The following SPECC1 variants were observed in gnomAD, a reference collection of about 807,000 sequenced individuals.
The protein encoded by SPECC1 is sperm antigen with calponin homology and coiled-coil domains 1, also known as cytospin-B.
A neutral mutation model predicts 104.1 loss-of-function variants in SPECC1; 62 were observed. The ratio of observed to expected loss-of-function variants is 0.60; its 90% CI spans 0.49 to 0.74. The LOEUF is 0.74. Among genes scored for constraint, SPECC1 ranks in the 30% least tolerant of loss-of-function variants. The pLI is 0.00. For synonymous variants in SPECC1, 513 were observed against 501.6 expected, an observed-to-expected ratio of 1.02 and a Z score of -0.30; for missense variants, 1,306 against 1,310.5, an observed-to-expected ratio of 1.00 and a Z score of 0.05.
rs754651124 is a variant in SPECC1, at chr17:20,245,981, G to A, written c.2407G>A (p.Gly803Ser). 4 of 1,614,118 alleles carry A rather than the reference G, an allele frequency of 2.5e-6. No individual in the cohort carries two copies. The South Asian group carries it at 4.4e-5, about 18-fold the overall frequency. ...SEVDAAGRWP[G>S]VCVSRTSPTP... ...GGTCGATGCTGCTGGTCGGTGGCCT[G>A]GTGTCTGTGTTAGCAGAACATCTCC... The change falls in exon 8 of 15, where the codon GGT becomes AGT. Residue 803 changes from glycine (G) to serine (S), a missense_variant. Gly to Ser is a moderately conservative substitution (Grantham distance 56, BLOSUM62 0). Transcript: ENST00000395527.
At chr17:20,128,971 C>T in intron 3 of SPECC1, among the ~76,000 whole-genome samples, 1 of 152,070 alleles carries the variant, frequency 6.6e-6, no homozygotes, top group Non-Finnish European at 1.5e-5. Flanking sequence ...TGGCTCAGTG[C>T]AGCCTCAAAC....
intron 3 of SPECC1, among the ~76,000 whole-genome samples, chr17:20,119,211 T>C (rs2048905711): frequency 6.6e-6 from 1 of 152,190 alleles, no homozygotes; most frequent in African/African-American, 2.4e-5. Context: ...AATTTGAAAA[T>C]TACATTTTGT....
chr17:20,318,504 T>G lies in SPECC1; in HGVS notation c.*4439T>G, dbSNP rs1024402489. On this transcript the variant is annotated 3_prime_UTR_variant, in exon 15 of 15. Coordinates refer to ENST00000395527, the MANE Select transcript of SPECC1 (RefSeq NM_001243439.2). ...GCGGTGAGGAATCTCTGCCATGTTC[T>G]CTTCCCTGCTGCCCACAAACGTTAC... 1 of 231,608 alleles carries G rather than the reference T, an allele frequency of 4.3e-6. No individual in the cohort carries two copies. Among genetic ancestry groups the G allele is most frequent in the African/African-American group, 2.2e-5 (1 of 45,228 alleles). The allele number at this position is 231,608 out of a possible 1,614,324, so 14.3% of individuals were successfully genotyped here.
intron 12 of SPECC1, among the ~76,000 whole-genome samples, chr17:20,264,812 C>T (rs1307581928): frequency 6.6e-6 from 1 of 152,002 alleles, no homozygotes; most frequent in East Asian, 1.9e-4. Context: ...GGCCACTGCA[C>T]CTGGCCCTTT....
At chr17:20,076,683 T>C (rs1007256667) in intron 1 of SPECC1, among the ~76,000 whole-genome samples, 2 of 152,184 alleles carry the variant, frequency 1.3e-5, no homozygotes, top group Non-Finnish European at 2.9e-5. Flanking sequence ...GTTGTATCTG[T>C]AGGGTAGATT....
At chr17:20,039,816 C>T (rs1304477940) in intron 1 of SPECC1, among the ~76,000 whole-genome samples, 1 of 152,078 alleles carries the variant, frequency 6.6e-6, no homozygotes, top group Non-Finnish European at 1.5e-5. Flanking sequence ...CTTGGCCTCC[C>T]GAAGTGCTGG....
chr17:20,262,565 T>C (rs1026664718), intron 12 of SPECC1, among the ~76,000 whole-genome samples: 1 of 152,168 alleles, frequency 6.6e-6, no homozygotes, highest in African/African-American at 2.4e-5. Flanking sequence ...GAACACCTTT[T>C]CATATGCAAA....
At chr17:20,075,365 G>GGGCAGGA (rs2046719221) in intron 1 of SPECC1, among the ~76,000 whole-genome samples, 1 of 152,166 alleles carries the variant, frequency 6.6e-6, no homozygotes, top group Non-Finnish European at 1.5e-5. Flanking sequence ...AGAGATGGGT[G>GGGCAGGA]GGCAGGTAGG....
intron 10 of SPECC1, among the ~76,000 whole-genome samples, chr17:20,254,072 C>T (rs1055060320): frequency 4.6e-5 from 7 of 151,412 alleles, no homozygotes; most frequent in Admixed American, 6.6e-5. Flanking sequence ...TTCTGCAATT[C>T]TTAAAATTTG....
intron 7 of SPECC1, chr17:20,239,278 G>A (rs979881887): frequency 3.9e-6 from 4 of 1,013,666 alleles, no homozygotes; most frequent in African/African-American, 3.4e-5. Context: ...ACAAAATGGA[G>A]ACGTGTGAAG....
intron 12 of SPECC1, among the ~76,000 whole-genome samples, chr17:20,278,914 C>T (rs1394762893): frequency 1.3e-5 from 2 of 152,176 alleles, no homozygotes; most frequent in African/African-American, 4.8e-5. Context: ...TGTCATCCTC[C>T]TGGGGACTGA....
In SPECC1 at chr17:20,253,621, T is replaced by C. The variant is rs552017810; in HGVS notation, c.2680+35T>C. On this transcript the variant is annotated intron_variant, in intron 10 of 14. Coordinates refer to ENST00000395527, the MANE Select transcript of SPECC1 (RefSeq NM_001243439.2). ...GTCAACATAAAGAACTTTTGACTTATCTTTCCGTGCAGTTAACTTTTCTTC... is the reference window on the plus strand; with the variant it reads ...GTCAACATAAAGAACTTTTGACTTACCTTTCCGTGCAGTTAACTTTTCTTC... 11 of 1,594,082 alleles carry C rather than the reference T, an allele frequency of 6.9e-6. No individual in the cohort carries two copies. The Admixed American group carries it at 8.4e-5, about 12-fold the overall frequency.
At chr17:20,044,475 C>T (rs1412299604) in intron 1 of SPECC1, among the ~76,000 whole-genome samples, 1 of 152,138 alleles carries the variant, frequency 6.6e-6, no homozygotes, top group Admixed American at 6.5e-5. Flanking sequence ...TTAAGTCAGT[C>T]AGTTGCTCAA....
chr17:20,163,564 C>T (rs146061662), intron 3 of SPECC1, among the ~76,000 whole-genome samples: 2 of 143,302 alleles, frequency 1.4e-5, no homozygotes, highest in East Asian at 2.0e-4. Flanking sequence ...CTCTCTCTCT[C>T]TTTTTTTTTT....
chr17:20,032,541 T>TA (rs1369232133), intron 1 of SPECC1, among the ~76,000 whole-genome samples: 3 of 152,200 alleles, frequency 2.0e-5, no homozygotes, highest in Admixed American at 2.0e-4. Context: ...AGTTCAAATA[T>TA]AGTGTTGAAC....
chr17:20,235,091 G>T (rs1283136551), intron 7 of SPECC1, among the ~76,000 whole-genome samples: 1 of 152,200 alleles, frequency 6.6e-6, no homozygotes, highest in East Asian at 1.9e-4. Flanking sequence ...GTGGGAAGAG[G>T]GGGTCGTTTT....
At chr17:20,302,937 A>G (rs183952515) in intron 13 of SPECC1, among the ~76,000 whole-genome samples, 68 of 151,366 alleles carry the variant, frequency 4.5e-4, no homozygotes, top group Admixed American at 4.5e-3. Context: ...ATTAGAATCA[A>G]ACTAGAAGGT....
In SPECC1 at chr17:20,227,485, A is replaced by C; in HGVS notation, c.1936A>C (p.Lys646Gln). The change falls in exon 5 of 15, where the codon AAG becomes CAG. Residue 646 changes from lysine to glutamine, a missense_variant. By Grantham distance (53) the Lys-to-Gln change is moderately conservative. Coordinates refer to ENST00000395527, the MANE Select transcript of SPECC1 (RefSeq NM_001243439.2). ...CGAACAGCTGAGCAGAACCAGCCTAAAGCTGCAAGAAAAAGCATCAGAGAG... is the reference window on the plus strand; with the variant it reads ...CGAACAGCTGAGCAGAACCAGCCTACAGCTGCAAGAAAAAGCATCAGAGAG... ...QAEQLSRTSL[K>Q]LQEKASESDA... 6.2e-7 allele frequency: 1 copy of C among 1,613,902 alleles called. No individual in the cohort carries two copies. The highest frequency in any genetic ancestry group is 8.5e-7 in the Non-Finnish European group (1 of 1,179,944).
intron 7 of SPECC1, among the ~76,000 whole-genome samples, chr17:20,244,796 GC>G (rs1412794622): frequency 6.6e-6 from 1 of 152,128 alleles, no homozygotes; most frequent in Non-Finnish European, 1.5e-5. Flanking sequence ...TAGTCATCTT[GC>G]AAAACAGCTG....
Sources: allele counts gnomAD v4.1 joint callset (sites outside exome capture counted in the v4.1 genomes callset), GRCh38; gene constraint gnomAD v4.1.1; transcripts MANE v1.5; gene names NCBI Gene and HGNC (gene_info 2026-07-23, HGNC 2026-07-21).